Variants in ANKFN1 observed in about 807,000 individuals in gnomAD.
ANKFN1 encodes the protein ankyrin repeat and fibronectin type III domain containing 1.
A neutral mutation model predicts 108.7 loss-of-function variants in ANKFN1; 74 were observed. The observed-to-expected ratio is 0.68, with a 90% CI of 0.56 to 0.83. The LOEUF is 0.83. Among genes scored for constraint, ANKFN1 ranks in the 40% least tolerant of loss-of-function variants. The pLI is 0.00. For missense variants in ANKFN1, 1,505 were observed against 1,382.3 expected (o/e 1.09, Z -1.41); for synonymous variants, 547 against 516.2 (o/e 1.06, Z -0.81).
rs141262532 is a variant in ANKFN1 at position 56,419,561 on chromosome 17, A to G, written c.911-20766A>G. 3.4e-3 allele frequency among the ~76,000 whole-genome samples: 519 copies of G among 152,222 alleles called. 1 individual carries two copies. Among genetic ancestry groups the G allele is most frequent in the Admixed American group, 7.7e-3 (118 of 15,296 alleles). Reference sequence around the variant, plus strand: ...GTAATCCCAGCACTTTGGGAGGCCAATACAGGAGAATTACTTGAGGCCAGG... The same window carrying G: ...GTAATCCCAGCACTTTGGGAGGCCAGTACAGGAGAATTACTTGAGGCCAGG... On this transcript the variant is annotated intron_variant, in intron 8 of 20. Transcript: ENST00000682825.
chr17:56,052,172 C>A (rs1417953193), intron 4 of ANKFN1, among the ~76,000 whole-genome samples: 1 of 152,136 alleles, frequency 6.6e-6, no homozygotes, highest in Non-Finnish European at 1.5e-5. Context: ...TCAAACTATA[C>A]TACAAGGCTA....
intron 2 of ANKFN1, among the ~76,000 whole-genome samples, chr17:56,226,372 A>T (rs910742670): frequency 1.3e-5 from 2 of 152,200 alleles, no homozygotes; most frequent in African/African-American, 4.8e-5. Context: ...TTATGGGCCC[A>T]GAAATTTAAT....
intron 4 of ANKFN1, among the ~76,000 whole-genome samples, chr17:56,104,324 C>A (rs1000061915): frequency 6.6e-6 from 1 of 152,120 alleles, no homozygotes; most frequent in African/African-American, 2.4e-5. Flanking sequence ...GGCTTTAGAC[C>A]TCTTGATGGA....
chr17:56,322,534 C>A (rs1225480126), intron 3 of ANKFN1, among the ~76,000 whole-genome samples: 2 of 152,166 alleles, frequency 1.3e-5, no homozygotes, highest in African/African-American at 2.4e-5. Context: ...CAATTTAGCT[C>A]CTGCTTACTT....
chr17:56,297,177 G>A (rs924897568), intron 3 of ANKFN1, among the ~76,000 whole-genome samples: 3 of 152,220 alleles, frequency 2.0e-5, no homozygotes, highest in African/African-American at 7.2e-5. Flanking sequence ...CGGATCATTG[G>A]CCTCTGAAGC....
intron 8 of ANKFN1, among the ~76,000 whole-genome samples, chr17:56,406,311 CA>C (rs1567977392): frequency 6.6e-6 from 1 of 151,986 alleles, no homozygotes; most frequent in Non-Finnish European, 1.5e-5. Context: ...TATTGACAAA[CA>C]GGAGAAAACA....
chr17:56,118,356 G>A (rs1218640214), intron 4 of ANKFN1, among the ~76,000 whole-genome samples: 1 of 152,136 alleles, frequency 6.6e-6, no homozygotes, highest in African/African-American at 2.4e-5. Context: ...CAGCAGCAAT[G>A]AATGAAAGTT....
chr17:56,277,269 C>A (rs2043959870), intron 3 of ANKFN1, among the ~76,000 whole-genome samples: 1 of 152,138 alleles, frequency 6.6e-6, no homozygotes, highest in African/African-American at 2.4e-5. Flanking sequence ...AATGACTAAG[C>A]ACTTCCTAGA....
chr17:56,367,429 C>CAATTAGAGTT (rs565500892), intron 6 of ANKFN1, among the ~76,000 whole-genome samples: 268 of 152,272 alleles, frequency 1.8e-3, no homozygotes, highest in African/African-American at 5.8e-3. Flanking sequence ...ATTCTTTGAA[C>CAATTAGAGTT]ACAAATTCCT....
At chr17:56,294,908 A>G (rs890136296) in intron 3 of ANKFN1, among the ~76,000 whole-genome samples, 3 of 152,212 alleles carry the variant, frequency 2.0e-5, no homozygotes, top group African/African-American at 7.2e-5. Context: ...ATGGGAAGCA[A>G]TCACCATTCT....
intron 3 of ANKFN1, among the ~76,000 whole-genome samples, chr17:56,290,619 T>TTAAGAGCC (rs1221862702): frequency 6.6e-6 from 1 of 152,118 alleles, no homozygotes. Flanking sequence ...ACTAAATATT[T>TTAAGAGCC]TAAGAGCCCA....
In ANKFN1 at chr17:56,153,741, G is replaced by T; in HGVS notation, c.-71+211G>T. ...GTTTGGGTCTGTAATGTGTGTCTTT[G>T]TCTTTTGGGAGGTGGGAGAATGGGG... On this transcript the variant is annotated intron_variant, in intron 1 of 20. Coordinates refer to ENST00000682825, the MANE Select transcript of ANKFN1 (RefSeq NM_001370326.1). The T allele has an allele frequency of 1.1e-5, 7 of 648,648 alleles. No homozygotes were observed. The South Asian group carries it at 1.4e-4, about 13-fold the overall frequency. 40.2% of individuals were successfully genotyped at this position (648,648 alleles called of 1,614,324 possible). A position where few individuals can be genotyped will look rare whatever the true frequency, so the allele number is the denominator to read the frequency against.
intron 3 of ANKFN1, among the ~76,000 whole-genome samples, chr17:56,293,248 C>CT (rs753981098): frequency 5.9e-5 from 9 of 152,158 alleles, no homozygotes; most frequent in Non-Finnish European, 1.0e-4. Flanking sequence ...TGCTGAAGAT[C>CT]TACTGCATGC....
chr17:56,494,988 C>T (rs1444293911), intron 19 of ANKFN1, among the ~76,000 whole-genome samples: 6 of 152,104 alleles, frequency 3.9e-5, no homozygotes, highest in Non-Finnish European at 5.9e-5. Flanking sequence ...GCCTTTTTCT[C>T]TTCTTTTATG....
chr17:56,259,205 A>G (rs529085066), intron 3 of ANKFN1, among the ~76,000 whole-genome samples: 1 of 152,280 alleles, frequency 6.6e-6, no homozygotes, highest in East Asian at 1.9e-4. Context: ...AACACACTTC[A>G]CAGACCTCCT....
Position 56,482,481 on chromosome 17 carries a change from A to G in ANKFN1, c.2217A>G (p.Pro739=). The G allele has an allele frequency of 6.2e-7, 1 of 1,613,280 alleles. No homozygotes were observed. The highest frequency in any genetic ancestry group is 8.5e-7 in the Non-Finnish European group (1 of 1,179,588). ...CAGGACAGAATAATCCTTACACCCC[A>G]CACTCAGGGTTTCTTAACCTCCCTC... ...TAPGQNNPYT[P]HSGFLNLPLQ... The change falls in exon 18 of 21, where the codon CCA becomes CCG. Residue 739 remains proline, a synonymous_variant. Transcript: ENST00000682825.
At chr17:56,070,937 T>C (rs764407407) in intron 4 of ANKFN1, among the ~76,000 whole-genome samples, 14 of 152,134 alleles carry the variant, frequency 9.2e-5, no homozygotes, top group African/African-American at 1.4e-4. Flanking sequence ...GGTTTCACCA[T>C]GTTGGCCAGG....
At chr17:56,371,379 G>C (rs1289788464) in intron 6 of ANKFN1, among the ~76,000 whole-genome samples, 2 of 152,136 alleles carry the variant, frequency 1.3e-5, no homozygotes, top group African/African-American at 4.8e-5. Flanking sequence ...TTCATTTCCT[G>C]TAATTAATGC....
intron 1 of ANKFN1, among the ~76,000 whole-genome samples, chr17:56,191,928 TC>T: frequency 6.6e-6 from 1 of 151,742 alleles, no homozygotes; most frequent in South Asian, 2.1e-4. Flanking sequence ...TATTCTTTTT[TC>T]TCTATACTTC....
Sources: allele counts gnomAD v4.1 joint callset (sites outside exome capture counted in the v4.1 genomes callset), GRCh38; gene constraint gnomAD v4.1.1; transcripts MANE v1.5; gene names NCBI Gene and HGNC (gene_info 2026-07-23, HGNC 2026-07-21).